Variants in NALF1 observed in about 807,000 individuals in gnomAD.
NALF1 encodes family with sequence similarity 155 member A.
Under a neutral mutation model 48.4 loss-of-function variants are expected in NALF1, and 3 were observed. The observed-to-expected ratio is 0.06, with a 90% CI of 0.03 to 0.16. The LOEUF (loss-of-function observed/expected upper bound fraction) is 0.16, where lower values mean the gene tolerates loss of function less well. NALF1 is among the 10% of genes least tolerant of loss of function. The pLI, the probability that NALF1 is intolerant of heterozygous loss-of-function variation, is 1.00. For missense variants in NALF1, 526 were observed against 571.5 expected (o/e 0.92, Z 0.81); for synonymous variants, 262 against 245.7 (o/e 1.07, Z -0.62).
intron 1 of NALF1, among the ~76,000 whole-genome samples, chr13:107,361,113 G>A (rs949649546): frequency 2.0e-5 from 3 of 152,158 alleles, no homozygotes; most frequent in Non-Finnish European, 4.4e-5. Flanking sequence ...CAGCAACCCA[G>A]AGCTTGCATT....
At position 107,829,527 on chromosome 13, in the gene NALF1, A is replaced by C. The variant is rs560148416; in HGVS notation, c.915+36155T>G. Among the ~76,000 whole-genome samples the C allele has an allele frequency of 3.4e-3, 517 of 152,268 alleles. 1 individual carries two copies. Among genetic ancestry groups the C allele is most frequent in the African/African-American group, 0.012 (490 of 41,560 alleles). ...TAAAATCAGATCTTCAAATTCTTTC[A>C]GACAAAGGCACTGATATTTAAGGGC... On this transcript the variant is annotated intron_variant, in intron 1 of 2. Transcript: ENST00000375915.
chr13:107,210,409 C>G (rs1021165190), intron 2 of NALF1, among the ~76,000 whole-genome samples, 175 bp downstream of exon 2: 10 of 152,198 alleles, frequency 6.6e-5, no homozygotes, highest in African/African-American at 2.4e-4. Flanking sequence ...GAAGCTGAAT[C>G]ATTTCCAGAC....
intron 1 of NALF1, among the ~76,000 whole-genome samples, chr13:107,280,523 AT>A (rs1881366220): frequency 6.6e-6 from 1 of 152,162 alleles, no homozygotes; most frequent in Admixed American, 6.5e-5. Flanking sequence ...ACATGCAAAC[AT>A]TTTTTGATTA....
chr13:107,608,521 T>C (rs1879134243), intron 1 of NALF1, among the ~76,000 whole-genome samples: 1 of 152,298 alleles, frequency 6.6e-6, no homozygotes, highest in Non-Finnish European at 1.5e-5. Context: ...GCACAGACTT[T>C]GTTACTTAAA....
At chr13:107,432,065 G>A (rs548150981) in intron 1 of NALF1, among the ~76,000 whole-genome samples, 7 of 152,152 alleles carry the variant, frequency 4.6e-5, no homozygotes, top group Non-Finnish European at 1.0e-4. Context: ...CAGTTCTGCA[G>A]GCTGTCCAGG....
At chr13:107,435,218 A>G (rs563162371) in intron 1 of NALF1, among the ~76,000 whole-genome samples, 1 of 152,244 alleles carries the variant, frequency 6.6e-6, no homozygotes, top group African/African-American at 2.4e-5. Context: ...GCATGTTCCT[A>G]TAGGTCTGGC....
intron 1 of NALF1, among the ~76,000 whole-genome samples, chr13:107,339,421 A>T (rs1882627433): frequency 6.6e-6 from 1 of 152,032 alleles, no homozygotes; most frequent in South Asian, 2.1e-4. Flanking sequence ...GTTTGTGAAA[A>T]TATAGCTCCT....
In NALF1 at chr13:107,371,817, A is replaced by G. The variant is rs186056100; in HGVS notation, c.916-161062T>C. Among the ~76,000 whole-genome samples, 214 of 152,378 alleles carry G rather than the reference A, an allele frequency of 1.4e-3. 1 individual carries two copies. The highest frequency in any genetic ancestry group is 4.7e-3 in the African/African-American group (197 of 41,594). On this transcript the variant is annotated intron_variant, in intron 1 of 2. Transcript: ENST00000375915. ...AAATGGCAAAAGTTAAACTTGCAGCATCAGTCAAGGGAAAAGTCATAACTG... is the reference window on the plus strand; with the variant it reads ...AAATGGCAAAAGTTAAACTTGCAGCGTCAGTCAAGGGAAAAGTCATAACTG...
intron 1 of NALF1, among the ~76,000 whole-genome samples, chr13:107,422,304 C>T (rs1884202548): frequency 6.6e-6 from 1 of 152,130 alleles, no homozygotes. Flanking sequence ...AACTCAACTG[C>T]TTTCATGCTC....
chr13:107,707,237 A>G (rs2138516148), intron 1 of NALF1, among the ~76,000 whole-genome samples: 1 of 152,258 alleles, frequency 6.6e-6, no homozygotes, highest in Non-Finnish European at 1.5e-5. Context: ...CATTCTTATG[A>G]TATTATGTCA....
chr13:107,383,600 T>G (rs1426003384), intron 1 of NALF1, among the ~76,000 whole-genome samples: 1 of 152,222 alleles, frequency 6.6e-6, no homozygotes, highest in African/African-American at 2.4e-5. Flanking sequence ...AAAGAAGTTA[T>G]CTGCTTTTAT....
At chr13:107,216,539 C>T (rs1879876715) in intron 1 of NALF1, among the ~76,000 whole-genome samples, 1 of 152,210 alleles carries the variant, frequency 6.6e-6, no homozygotes, top group African/African-American at 2.4e-5. Context: ...ATCAGCACCC[C>T]TTGCCTTCTA....
At chr13:107,374,933 T>C (rs1242799947) in intron 1 of NALF1, among the ~76,000 whole-genome samples, 1 of 152,190 alleles carries the variant, frequency 6.6e-6, no homozygotes, top group East Asian at 1.9e-4. Flanking sequence ...CTGCTCATTA[T>C]AAATTACCCA....
In NALF1 at chr13:107,168,516, A is replaced by G. The variant is rs1362227233; in HGVS notation, c.*1981T>C. On this transcript the variant is annotated 3_prime_UTR_variant, in exon 3 of 3. Transcript: ENST00000375915. ...AAAAAAAAATTTTAAAAAAGGAACA[A>G]AAACGGGAGAATTTTGCATTTTTGG... The G allele has an allele frequency of 2.0e-5, 3 of 152,158 alleles. No individual in the cohort carries two copies. In the Admixed American group the frequency reaches 2.0e-4, roughly 10 times the overall value. 9.4% of individuals were successfully genotyped at this position (152,158 alleles called of 1,614,324 possible).
intron 1 of NALF1, among the ~76,000 whole-genome samples, chr13:107,827,832 C>T (rs557762174): frequency 1.3e-5 from 2 of 152,166 alleles, no homozygotes; most frequent in South Asian, 4.1e-4. Flanking sequence ...ATTATAATTA[C>T]TGGTTACAAT....
intron 1 of NALF1, among the ~76,000 whole-genome samples, chr13:107,479,319 C>T (rs116227822): frequency 1.2e-3 from 181 of 152,188 alleles, no homozygotes; most frequent in African/African-American, 4.2e-3. Flanking sequence ...TAACTATTAC[C>T]CTCTTATGAT....
At chr13:107,287,514 G>A (rs1881519807) in intron 1 of NALF1, among the ~76,000 whole-genome samples, 1 of 151,938 alleles carries the variant, frequency 6.6e-6, no homozygotes, top group Non-Finnish European at 1.5e-5. Context: ...AAAAGTAAGT[G>A]ACTCAAATTT....
chr13:107,189,861 C>T (rs750435698), intron 2 of NALF1, among the ~76,000 whole-genome samples: 1 of 152,148 alleles, frequency 6.6e-6, no homozygotes, highest in African/African-American at 2.4e-5. Context: ...CATGAATTTA[C>T]GTTACAGGAG....
intron 1 of NALF1, among the ~76,000 whole-genome samples, chr13:107,384,382 T>C (rs894462268): frequency 1.2e-4 from 18 of 152,234 alleles, no homozygotes; most frequent in African/African-American, 4.1e-4. Context: ...CCTTTAGTTT[T>C]GCTTTTCATA....
Sources: allele counts gnomAD v4.1 joint callset (sites outside exome capture counted in the v4.1 genomes callset), GRCh38; gene constraint gnomAD v4.1.1; transcripts MANE v1.5; gene names NCBI Gene and HGNC (gene_info 2026-07-23, HGNC 2026-07-21).